The following FSTL5 variants were observed in gnomAD, a reference collection of about 807,000 sequenced individuals.
The protein encoded by FSTL5 is follistatin like 5, also known as follistatin-related protein 5.
A neutral mutation model predicts 89.1 loss-of-function variants in FSTL5; 62 were observed. That is an observed-to-expected ratio of 0.70 (90% CI 0.57 to 0.86). The LOEUF is 0.86. FSTL5 is among the 40% of genes least tolerant of loss of function. FSTL5 has a pLI of 0.00. For missense variants in FSTL5, 1,057 were observed against 1,001.6 expected (o/e 1.06, Z -0.75); for synonymous variants, 383 against 346.2 (o/e 1.11, Z -1.18).
chr4:161,836,078 G>C (rs887674539), intron 4 of FSTL5, among the ~76,000 whole-genome samples: 12 of 151,972 alleles, frequency 7.9e-5, no homozygotes, highest in African/African-American at 2.9e-4. Flanking sequence ...TGATAGACTG[G>C]ATTAAGAAAA....
intron 15 of FSTL5, among the ~76,000 whole-genome samples, chr4:161,423,991 G>A (rs1454457737): frequency 1.3e-5 from 2 of 150,010 alleles, no homozygotes; most frequent in African/African-American, 4.9e-5. Flanking sequence ...CAAGTAGTTG[G>A]GACTACAGGT....
intron 2 of FSTL5, among the ~76,000 whole-genome samples, chr4:162,034,427 T>C (rs1737655633): frequency 1.3e-5 from 2 of 152,148 alleles, no homozygotes; most frequent in South Asian, 4.1e-4. Flanking sequence ...TAACTTAGAA[T>C]TGGACCCCAT....
intron 3 of FSTL5, among the ~76,000 whole-genome samples, chr4:161,958,755 G>A (rs896489666): frequency 6.6e-6 from 1 of 152,118 alleles, no homozygotes; most frequent in African/African-American, 2.4e-5. Flanking sequence ...GCAGTGCAAT[G>A]GAGGGGTTGA....
intron 3 of FSTL5, among the ~76,000 whole-genome samples, chr4:161,990,405 T>C (rs1578923918): frequency 6.6e-6 from 1 of 152,212 alleles, no homozygotes; most frequent in Non-Finnish European, 1.5e-5. Flanking sequence ...TATAATCTTA[T>C]AAAAAGTTAA....
chr4:161,821,408 T>TA (rs1360978339), intron 4 of FSTL5, among the ~76,000 whole-genome samples: 2 of 151,988 alleles, frequency 1.3e-5, no homozygotes, highest in Admixed American at 6.6e-5. Flanking sequence ...CTTATTTGAT[T>TA]AAAAAAAAGT....
chr4:161,546,939 G>C (rs954584934), intron 8 of FSTL5, among the ~76,000 whole-genome samples: 1 of 152,044 alleles, frequency 6.6e-6, no homozygotes, highest in South Asian at 2.1e-4. Flanking sequence ...ATTTAATGAC[G>C]TGCTGTTAAT....
chr4:161,940,495 G>A lies in FSTL5; in HGVS notation c.161-19843C>T, dbSNP rs1201853404. 3.3e-5 allele frequency among the ~76,000 whole-genome samples: 5 copies of A among 151,140 alleles called. No individual in the cohort carries two copies. The East Asian group carries it at 7.8e-4, about 23-fold the overall frequency. ...CAATTATAAAGAAACTTTTTACAAA[G>A]CAAGAATCCTGAAAACAGAGAGAAA... On this transcript the variant is annotated intron_variant, in intron 3 of 15. Transcript: ENST00000306100.
At chr4:161,681,564 G>C (rs1327867681) in intron 6 of FSTL5, among the ~76,000 whole-genome samples, 1 of 151,892 alleles carries the variant, frequency 6.6e-6, no homozygotes, top group Non-Finnish European at 1.5e-5. Flanking sequence ...GCAATAAGCA[G>C]GGTTTACATA....
chr4:161,790,336 G>A (rs1729421074), intron 4 of FSTL5, among the ~76,000 whole-genome samples: 1 of 152,196 alleles, frequency 6.6e-6, no homozygotes, highest in Admixed American at 6.5e-5. Flanking sequence ...AGCTATGGGA[G>A]CAAGTATAGC....
chr4:162,093,134 C>T (rs1730614883), intron 2 of FSTL5, among the ~76,000 whole-genome samples: 1 of 151,928 alleles, frequency 6.6e-6, no homozygotes, highest in Non-Finnish European at 1.5e-5. Flanking sequence ...TGTCATTAAA[C>T]ACTGAGATAA....
chr4:161,400,643 A>G (rs963488611), intron 15 of FSTL5, among the ~76,000 whole-genome samples: 2 of 152,148 alleles, frequency 1.3e-5, no homozygotes, highest in African/African-American at 4.8e-5. Flanking sequence ...TAAATAGTAT[A>G]AGAAAGGGCA....
At chr4:161,486,164 A>C (rs1227852107) in intron 12 of FSTL5, among the ~76,000 whole-genome samples, 3 of 151,658 alleles carry the variant, frequency 2.0e-5, no homozygotes, top group Non-Finnish European at 4.4e-5. Flanking sequence ...AAAAAAAAAA[A>C]AGTAAATATC....
At chr4:161,404,142 C>T (rs1731278440) in intron 15 of FSTL5, among the ~76,000 whole-genome samples, 1 of 152,152 alleles carries the variant, frequency 6.6e-6, no homozygotes, top group South Asian at 2.1e-4. Context: ...AAGGTGCTTG[C>T]CTCTGTTTTG....
In FSTL5 at chr4:162,038,074, T is replaced by C. The variant is rs948379658; in HGVS notation, c.127-4416A>G. Reference sequence around the variant, plus strand: ...ATTCATTTGAAAAACATTCTTACATTAGGAAGACTTAGGTCTTGTCCATAA... The same window carrying C: ...ATTCATTTGAAAAACATTCTTACATCAGGAAGACTTAGGTCTTGTCCATAA... On this transcript the variant is annotated intron_variant, in intron 2 of 15. Coordinates refer to ENST00000306100, the MANE Select transcript of FSTL5 (RefSeq NM_020116.5). Among the ~76,000 whole-genome samples, 5 of 152,030 alleles carry C rather than the reference T, an allele frequency of 3.3e-5. No homozygotes were observed. In the East Asian group the frequency reaches 5.8e-4, roughly 18 times the overall value.
rs2126639014 is a variant in FSTL5, at chr4:161,614,790, G to A, written c.895-27215C>T. Among the ~76,000 whole-genome samples, 2 of 152,054 alleles carry A rather than the reference G, an allele frequency of 1.3e-5. 1 individual carries two copies. Among genetic ancestry groups the A allele is most frequent in the South Asian group, 4.2e-4 (2 of 4,816 alleles). On this transcript the variant is annotated intron_variant, in intron 7 of 15. Transcript: ENST00000306100. ...TATTCTAAACACTATACAAAGCATT[G>A]TAATTAAAATAATTTTATTCTCAAG...
rs192491157 is a variant in FSTL5, at chr4:161,734,646, G to A, written c.727+24765C>T. Among the ~76,000 whole-genome samples the A allele has an allele frequency of 3.6e-3, 555 of 152,136 alleles. 2 individuals carry two copies. Among genetic ancestry groups the A allele is most frequent in the Middle Eastern group, 6.8e-3 (2 of 294 alleles). Reference sequence around the variant, plus strand: ...TTAGCTAAATTCCTTTTGATTCTTTGAAACTAAATGGGACAAAATAAACAA... The same window carrying A: ...TTAGCTAAATTCCTTTTGATTCTTTAAAACTAAATGGGACAAAATAAACAA... On this transcript the variant is annotated intron_variant, in intron 6 of 15. Transcript: ENST00000306100.
At chr4:161,637,454 G>A (rs185465007) in intron 7 of FSTL5, among the ~76,000 whole-genome samples, 2,201 of 150,842 alleles carry the variant, frequency 0.015, 53 homozygotes, top group African/African-American at 0.05. Flanking sequence ...CTGTGCAGAA[G>A]CTCTTTAGTT....
At chr4:161,417,380 A>G (rs539479485) in intron 15 of FSTL5, among the ~76,000 whole-genome samples, 15 of 152,290 alleles carry the variant, frequency 9.8e-5, no homozygotes, top group Non-Finnish European at 1.8e-4. Flanking sequence ...AATGATTTGT[A>G]TGTATTATTT....
At chr4:161,774,780 T>A (rs1741346907) in intron 5 of FSTL5, among the ~76,000 whole-genome samples, 1 of 151,992 alleles carries the variant, frequency 6.6e-6, no homozygotes, top group Non-Finnish European at 1.5e-5. Context: ...TATTTATTCT[T>A]ATTACTATAA....
Sources: allele counts gnomAD v4.1 joint callset (sites outside exome capture counted in the v4.1 genomes callset), GRCh38; gene constraint gnomAD v4.1.1; transcripts MANE v1.5; gene names NCBI Gene and HGNC (gene_info 2026-07-23, HGNC 2026-07-21).